IPO11: variants seen among roughly 807,000 people sequenced by gnomAD.
IPO11 encodes the protein importin 11, also known as importin-11.
In IPO11, 66 loss-of-function variants were observed where a neutral mutation model predicts 143.2. The ratio of observed to expected loss-of-function variants is 0.46; its 90% CI spans 0.38 to 0.57. IPO11 has a LOEUF of 0.57. Among genes scored for constraint, IPO11 ranks in the 20% least tolerant of loss-of-function variants. The pLI is 0.00. For synonymous variants in IPO11, 385 were observed against 377.8 expected, an observed-to-expected ratio of 1.02 and a Z score of -0.22; for missense variants, 1,026 against 1,141.0, an observed-to-expected ratio of 0.90 and a Z score of 1.45.
At chr5:62,466,106 G>T (rs1482732129) in intron 5 of IPO11, among the ~76,000 whole-genome samples, 1 of 152,162 alleles carries the variant, frequency 6.6e-6, no homozygotes, top group South Asian at 2.1e-4. Flanking sequence ...AGATGGTCTT[G>T]TAAGTTTCTT....
At chr5:62,520,965 C>T (rs1291852605) in intron 20 of IPO11, among the ~76,000 whole-genome samples, 1 of 152,224 alleles carries the variant, frequency 6.6e-6, no homozygotes, top group Admixed American at 6.5e-5. Context: ...TTTACAGTCC[C>T]ACCAACAGTG....
At chr5:62,513,949 A>C (rs1237361623) in intron 19 of IPO11, among the ~76,000 whole-genome samples, 1 of 145,004 alleles carries the variant, frequency 6.9e-6, no homozygotes, top group South Asian at 2.2e-4. Flanking sequence ...CTCACATCCC[A>C]GACGGGGCGG....
At chr5:62,524,415 T>C (rs1742302764) in intron 20 of IPO11, among the ~76,000 whole-genome samples, 2 of 152,142 alleles carry the variant, frequency 1.3e-5, no homozygotes, top group African/African-American at 4.8e-5. Context: ...TGAATACACA[T>C]TTAAGTAAGT....
chr5:62,584,389 G>A (rs1325805350), intron 27 of IPO11, among the ~76,000 whole-genome samples: 1 of 152,008 alleles, frequency 6.6e-6, no homozygotes, highest in East Asian at 1.9e-4. Context: ...CTTGAGCTCA[G>A]GAATTCGAGA....
At chr5:62,486,894 A>G (rs866716043) in intron 12 of IPO11, among the ~76,000 whole-genome samples, 12 of 152,272 alleles carry the variant, frequency 7.9e-5, no homozygotes, top group Admixed American at 2.0e-4. Flanking sequence ...GAGATGACAC[A>G]TCCTCTGACC....
intron 16 of IPO11, among the ~76,000 whole-genome samples, chr5:62,499,971 G>A (rs1483064846): frequency 6.6e-6 from 1 of 152,140 alleles, no homozygotes; most frequent in Non-Finnish European, 1.5e-5. Flanking sequence ...ACATGCAGCT[G>A]TCATCTCCTA....
chr5:62,566,335 A>G (rs1054424373), intron 27 of IPO11, among the ~76,000 whole-genome samples: 5 of 152,098 alleles, frequency 3.3e-5, no homozygotes, highest in Non-Finnish European at 7.4e-5. Flanking sequence ...CTGGCATGAG[A>G]TGGTATCTCA....
At chr5:62,435,164 A>ATATATGTATATATGTG (rs1561309048) in intron 1 of IPO11, among the ~76,000 whole-genome samples, 5 of 98,442 alleles carry the variant, frequency 5.1e-5, no homozygotes, top group African/African-American at 1.6e-4. Flanking sequence ...ATATATATGT[A>ATATATGTATATATGTG]TATATATGTA....
intron 15 of IPO11, 22 bp from the exon 16 acceptor site, chr5:62,493,976 T>C: frequency 6.3e-7 from 1 of 1,587,910 alleles, no homozygotes; most frequent in Non-Finnish European, 8.6e-7. Context: ...ACATTTTAAT[T>C]TCATGATTTT....
chr5:62,583,551 G>C (rs571195616), intron 27 of IPO11, among the ~76,000 whole-genome samples: 1 of 152,186 alleles, frequency 6.6e-6, no homozygotes, highest in Non-Finnish European at 1.5e-5. Context: ...GTTCTATACA[G>C]TGGTATTCAT....
At chr5:62,506,630 A>G (rs1310249189) in intron 19 of IPO11, among the ~76,000 whole-genome samples, 1 of 152,198 alleles carries the variant, frequency 6.6e-6, no homozygotes, top group South Asian at 2.1e-4. Flanking sequence ...CAGCCGATGT[A>G]AAATTGAGTG....
chr5:62,570,256 C>T (rs1486030809), intron 27 of IPO11, among the ~76,000 whole-genome samples: 3 of 151,932 alleles, frequency 2.0e-5, no homozygotes, highest in Non-Finnish European at 2.9e-5. Flanking sequence ...ATTTATAAAA[C>T]TTTTTTTTAA....
In IPO11 at chr5:62,484,080, G is replaced by C; in HGVS notation, c.1092G>C (p.Glu364Asp). The change falls in exon 11 of 30, where the codon GAG becomes GAC. Residue 364 changes from glutamate (E) to aspartate (D), a missense_variant. By Grantham distance (45) the Glu-to-Asp change is conservative (BLOSUM62 2). This residue lies in a region of IPO11 where 429 missense variants were observed against 456.3 expected (regional missense o/e 0.94). Coordinates refer to ENST00000325324, the MANE Select transcript of IPO11 (RefSeq NM_016338.5). ...TCTTCACATATCCTACTTTGACAGA[G>C]ATATGTAGAAGATTAGTCTCTCATT... ...MAFFTYPTLT[E>D]ICRRLVSHYF... 1 of 1,609,924 alleles carries C rather than the reference G, an allele frequency of 6.2e-7. No individual in the cohort carries two copies. Among genetic ancestry groups the C allele is most frequent in the South Asian group, 1.1e-5 (1 of 90,262 alleles).
chr5:62,624,246 C>T (rs1282059676), intron 29 of IPO11, among the ~76,000 whole-genome samples: 1 of 151,992 alleles, frequency 6.6e-6, no homozygotes, highest in Non-Finnish European at 1.5e-5. Context: ...GTTGGTCAGG[C>T]TGGTCTCAAA....
chr5:62,605,912 G>A (rs1356138715), intron 29 of IPO11, among the ~76,000 whole-genome samples: 1 of 151,832 alleles, frequency 6.6e-6, no homozygotes. Flanking sequence ...TACATGTTTT[G>A]TAGAGACAGG....
intron 19 of IPO11, among the ~76,000 whole-genome samples, chr5:62,513,626 T>A (rs1741876217): frequency 2.4e-5 from 3 of 124,278 alleles, no homozygotes; most frequent in South Asian, 2.9e-4. Context: ...CACTTCCCAG[T>A]AGGGGCGGCC....
At chr5:62,509,241 G>A (rs1741665973) in intron 19 of IPO11, among the ~76,000 whole-genome samples, 1 of 152,060 alleles carries the variant, frequency 6.6e-6, no homozygotes, top group Non-Finnish European at 1.5e-5. Context: ...TGAAGTGAAA[G>A]AACAAAATTA....
intron 1 of IPO11, among the ~76,000 whole-genome samples, chr5:62,413,873 A>G (rs903614880): frequency 6.6e-5 from 10 of 152,374 alleles, no homozygotes; most frequent in South Asian, 2.1e-4. Flanking sequence ...TCTATAGGAG[A>G]CATCCATTGC....
intron 16 of IPO11, 97 bp from the exon 17 acceptor site, chr5:62,504,570 A>G: frequency 1.5e-6 from 1 of 674,674 alleles, no homozygotes; most frequent in South Asian, 1.9e-5. Context: ...TAATAATAAG[A>G]GTACAGAAAG....
Sources: allele counts gnomAD v4.1 joint callset (sites outside exome capture counted in the v4.1 genomes callset), GRCh38; gene constraint gnomAD v4.1.1; regional missense constraint gnomAD v4.1.1; transcripts MANE v1.5; gene names NCBI Gene and HGNC (gene_info 2026-07-23, HGNC 2026-07-21).